ADAMTS20: variants seen among roughly 807,000 people sequenced by gnomAD.
ADAMTS20 encodes A disintegrin and metalloproteinase with thrombospondin motifs 20.
In ADAMTS20, 225 loss-of-function variants were observed where a neutral mutation model predicts 260.1. That is an observed-to-expected ratio of 0.87 (90% CI 0.78 to 0.97). The LOEUF is 0.97. ADAMTS20 is among the 50% of genes least tolerant of loss of function. The pLI, the probability that ADAMTS20 is intolerant of heterozygous loss-of-function variation, is 0.00. For missense variants in ADAMTS20, 2,400 were observed against 2,337.7 expected (o/e 1.03, Z -0.55); for synonymous variants, 802 against 769.5 (o/e 1.04, Z -0.70).
At chr12:43,491,914 G>A (rs866003350) in intron 6 of ADAMTS20, among the ~76,000 whole-genome samples, 5 of 152,094 alleles carry the variant, frequency 3.3e-5, no homozygotes, top group Admixed American at 6.5e-5. Context: ...CACTAATATC[G>A]TAAGGAAATT....
intron 28 of ADAMTS20, among the ~76,000 whole-genome samples, chr12:43,421,211 A>C (rs1369846077): frequency 7.3e-6 from 1 of 137,494 alleles, no homozygotes; most frequent in Admixed American, 8.1e-5. Context: ...TTTCAGAAGG[A>C]CATTTTTTTT....
chr12:43,507,086 G>C, intron 3 of ADAMTS20, among the ~76,000 whole-genome samples: 1 of 152,142 alleles, frequency 6.6e-6, no homozygotes, highest in East Asian at 1.9e-4. Context: ...AATTTGCTAA[G>C]AGAATAGCTT....
In ADAMTS20 at chr12:43,524,764, C is replaced by G. The variant is rs61925175; in HGVS notation, c.613+7272G>C. Reference sequence around the variant, plus strand: ...CTAGAACAATTACAATGAAGCATTTCAGAGCTCAGAGACAAGGCTTTCAAA... The same window carrying G: ...CTAGAACAATTACAATGAAGCATTTGAGAGCTCAGAGACAAGGCTTTCAAA... On this transcript the variant is annotated intron_variant, in intron 3 of 38. Coordinates refer to ENST00000389420, the MANE Select transcript of ADAMTS20 (RefSeq NM_025003.5). 3.3e-3 allele frequency among the ~76,000 whole-genome samples: 508 copies of G among 152,198 alleles called. 2 individuals are homozygous for G. The highest frequency in any genetic ancestry group is 5.4e-3 in the Non-Finnish European group (370 of 68,008).
intron 15 of ADAMTS20, among the ~76,000 whole-genome samples, chr12:43,445,824 C>T (rs1284019435): frequency 6.6e-6 from 1 of 151,890 alleles, no homozygotes; most frequent in Non-Finnish European, 1.5e-5. Context: ...TGTACTACAG[C>T]CTGGGCAACA....
intron 16 of ADAMTS20, 37 bp from the exon 17 acceptor site, chr12:43,440,106 C>T: frequency 1.6e-6 from 2 of 1,248,914 alleles, no homozygotes; most frequent in Non-Finnish European, 2.2e-6. Flanking sequence ...GAAATAGTAA[C>T]ACCAATCAAC....
At chr12:43,394,328 G>T (rs561901283) in intron 29 of ADAMTS20, among the ~76,000 whole-genome samples, 219 of 152,128 alleles carry the variant, frequency 1.4e-3, no homozygotes, top group Non-Finnish European at 1.9e-3. Context: ...ATGGAAAATT[G>T]TCAAGATTTT....
intron 7 of ADAMTS20, among the ~76,000 whole-genome samples, chr12:43,485,110 A>AGC (rs71091158): frequency 0.26 from 35,061 of 133,078 alleles, 4,386 homozygotes; most frequent in East Asian, 0.61. Context: ...AAAAAAAAAA[A>AGC]AGCAACAACA....
intron 4 of ADAMTS20, among the ~76,000 whole-genome samples, chr12:43,496,605 G>C (rs927430686): frequency 2.0e-5 from 3 of 152,148 alleles, no homozygotes; most frequent in African/African-American, 7.2e-5. Context: ...CAAGCTAGTT[G>C]TTCAACCCTG....
intron 18 of ADAMTS20, among the ~76,000 whole-genome samples, chr12:43,436,751 T>C (rs2137318579): frequency 6.6e-6 from 1 of 152,270 alleles, no homozygotes; most frequent in East Asian, 1.9e-4. Context: ...CACTGAATGA[T>C]GTGATCCCAG....
chr12:43,469,275 T>C (rs2137388220), intron 7 of ADAMTS20, among the ~76,000 whole-genome samples: 1 of 152,250 alleles, frequency 6.6e-6, no homozygotes, highest in African/African-American at 2.4e-5. Flanking sequence ...CTGCCGTCAC[T>C]GAATAATTTT....
chr12:43,356,341 C>G, intron 38 of ADAMTS20, 143 bp downstream of exon 38: 1 of 510,632 alleles, frequency 2.0e-6, no homozygotes, highest in East Asian at 3.0e-5. Flanking sequence ...TGTTGTGCTC[C>G]ATTATATGTA....
rs190424342 is a variant in ADAMTS20, at chr12:43,501,099, C to T, written c.867+1053G>A. Among the ~76,000 whole-genome samples the T allele has an allele frequency of 2.0e-3, 235 of 114,940 alleles. 1 individual carries two copies. Among genetic ancestry groups the T allele is most frequent in the African/African-American group, 6.9e-3 (205 of 29,906 alleles). The allele number at this position is 114,940 out of a possible 152,430, so 75.4% of individuals were successfully genotyped here. On this transcript the variant is annotated intron_variant, in intron 4 of 38. Transcript: ENST00000389420. ...TTGAGTCATAGTTTCACTCTTGTTGCGCAGGCTGGAGTGCAATGGCACGAT... is the reference window on the plus strand; with the variant it reads ...TTGAGTCATAGTTTCACTCTTGTTGTGCAGGCTGGAGTGCAATGGCACGAT...
intron 3 of ADAMTS20, among the ~76,000 whole-genome samples, chr12:43,525,918 C>T (rs1041078943): frequency 7.2e-5 from 11 of 152,098 alleles, no homozygotes; most frequent in South Asian, 2.1e-4. Context: ...TAGACAGCAA[C>T]GTAATAATAA....
At chr12:43,534,394 A>T (rs1400400688) in intron 2 of ADAMTS20, among the ~76,000 whole-genome samples, 4 of 152,244 alleles carry the variant, frequency 2.6e-5, no homozygotes, top group Non-Finnish European at 5.9e-5. Flanking sequence ...TACAATCAGT[A>T]TGCAAAGCAA....
rs748644364 is a variant in ADAMTS20, at chr12:43,452,477, A to G, written c.1942+37T>C. On this transcript the variant is annotated intron_variant, in intron 13 of 38. Transcript: ENST00000389420. ...AAAGCTATGTGTTCTTACGTCTCAG[A>G]AAAATTTACATCAAAGAACCAGCAT... 52 of 1,603,400 alleles carry G rather than the reference A, an allele frequency of 3.2e-5. No individual in the cohort carries two copies. In the Admixed American group the frequency reaches 8.7e-4, roughly 27 times the overall value.
chr12:43,486,702 T>G (rs547154755), intron 7 of ADAMTS20, among the ~76,000 whole-genome samples: 1 of 152,202 alleles, frequency 6.6e-6, no homozygotes, highest in African/African-American at 2.4e-5. Context: ...ATATCCAGAA[T>G]CTACAAGATA....
chr12:43,434,214 C>A, intron 19 of ADAMTS20, 31 bp downstream of exon 19: 1 of 1,539,150 alleles, frequency 6.5e-7, no homozygotes, highest in Non-Finnish European at 8.8e-7. Context: ...ACTTATTAAT[C>A]TGGTTATATT....
At chr12:43,464,540 G>A in intron 10 of ADAMTS20, 51 bp downstream of exon 10, 1 of 1,578,358 alleles carries the variant, frequency 6.3e-7, no homozygotes, top group South Asian at 1.1e-5. Flanking sequence ...TATATTCTAA[G>A]ATAACTTTAT....
chr12:43,361,724 A>G (rs957980460), intron 37 of ADAMTS20, among the ~76,000 whole-genome samples: 4 of 152,220 alleles, frequency 2.6e-5, no homozygotes, highest in Non-Finnish European at 5.9e-5. Context: ...CTATCTTATG[A>G]TTTAAAAACC....
Sources: allele counts gnomAD v4.1 joint callset (sites outside exome capture counted in the v4.1 genomes callset), GRCh38; gene constraint gnomAD v4.1.1; transcripts MANE v1.5; gene names NCBI Gene and HGNC (gene_info 2026-07-23, HGNC 2026-07-21).